The following SMOC2 variants were observed in gnomAD, a reference collection of about 807,000 sequenced individuals.
SMOC2 encodes the protein SPARC related modular calcium binding 2.
SMOC2 carries 39 observed loss-of-function variants against 61.4 expected under a neutral mutation model. The ratio of observed to expected loss-of-function variants is 0.64; its 90% CI spans 0.49 to 0.83. The LOEUF (loss-of-function observed/expected upper bound fraction) is 0.83, where lower values mean the gene tolerates loss of function less well. SMOC2 is among the 40% of genes least tolerant of loss of function. The probability of loss-of-function intolerance (pLI) is 0.00; values close to 1 mark genes in which losing one functional copy is unlikely to be tolerated. For missense variants in SMOC2, 556 were observed against 592.9 expected (o/e 0.94, Z 0.65); for synonymous variants, 247 against 239.9 (o/e 1.03, Z -0.27).
intron 2 of SMOC2, among the ~76,000 whole-genome samples, chr6:168,513,021 AAAATGTCCAT>A (rs771932766): frequency 1.1e-4 from 4 of 35,190 alleles, no homozygotes; most frequent in African/African-American, 2.6e-4. Context: ...ATCTTTCTAT[AAAATGTCCAT>A]AAAAGTAAAG....
intron 7 of SMOC2, among the ~76,000 whole-genome samples, chr6:168,552,948 A>G (rs866077393): frequency 1.3e-5 from 2 of 152,090 alleles, no homozygotes; most frequent in African/African-American, 4.8e-5. Flanking sequence ...ATTTGCACAT[A>G]GTAGCTACAC....
chr6:168,514,854 G>T (rs565455234), intron 2 of SMOC2, among the ~76,000 whole-genome samples: 1 of 152,224 alleles, frequency 6.6e-6, no homozygotes, highest in African/African-American at 2.4e-5. Flanking sequence ...AGCATGTGAG[G>T]GATTTCTTAG....
At chr6:168,564,372 A>G (rs1784496125) in intron 7 of SMOC2, among the ~76,000 whole-genome samples, 1 of 152,130 alleles carries the variant, frequency 6.6e-6, no homozygotes, top group African/African-American at 2.4e-5. Flanking sequence ...ACATGATTCT[A>G]GGGCACTGTC....
chr6:168,461,288 C>G (rs1294553301), intron 1 of SMOC2, among the ~76,000 whole-genome samples: 1 of 152,116 alleles, frequency 6.6e-6, no homozygotes, highest in Non-Finnish European at 1.5e-5. Flanking sequence ...CCCACCAGGT[C>G]CCTCCCACAA....
intron 2 of SMOC2, among the ~76,000 whole-genome samples, chr6:168,515,742 T>C (rs2248421): frequency 0.9 from 136,298 of 152,244 alleles, 61,939 homozygotes; most frequent in East Asian, 1. Context: ...TAGGGGCTCC[T>C]GGGGAGCAGG....
chr6:168,546,768 G>A (rs1167885261), intron 5 of SMOC2, among the ~76,000 whole-genome samples: 1 of 152,178 alleles, frequency 6.6e-6, no homozygotes, highest in African/African-American at 2.4e-5. Flanking sequence ...CTGAATTTAT[G>A]ACTTCTCTTT....
chr6:168,582,707 C>G (rs1360472538), intron 7 of SMOC2, among the ~76,000 whole-genome samples: 1 of 152,208 alleles, frequency 6.6e-6, no homozygotes. Flanking sequence ...GCAGGCTCCC[C>G]CCACCTGGGA....
chr6:168,560,623 CATTCTT>C (rs1784396458), intron 7 of SMOC2, among the ~76,000 whole-genome samples: 3 of 1,154 alleles, frequency 2.6e-3, no homozygotes, highest in Admixed American at 7.6e-3. Context: ...GCTCTCACTG[CATTCTT>C]GGAGGAGGTG....
At chr6:168,459,093 T>G (rs1781658104) in intron 1 of SMOC2, among the ~76,000 whole-genome samples, 1 of 152,166 alleles carries the variant, frequency 6.6e-6, no homozygotes, top group Non-Finnish European at 1.5e-5. Flanking sequence ...GTGGGTGCTC[T>G]CATTGTTCCC....
intron 7 of SMOC2, among the ~76,000 whole-genome samples, chr6:168,588,010 G>C (rs755853762): frequency 6.6e-6 from 1 of 150,968 alleles, no homozygotes; most frequent in Non-Finnish European, 1.5e-5. Flanking sequence ...ATTTGGTGTC[G>C]GGGTGAGGGG....
chr6:168,520,500 C>A (rs1375575836), intron 2 of SMOC2, among the ~76,000 whole-genome samples: 1 of 152,212 alleles, frequency 6.6e-6, no homozygotes, highest in Non-Finnish European at 1.5e-5. Context: ...CAAGCTGAGC[C>A]TGAACTTGAA....
In SMOC2 at chr6:168,592,271, A is replaced by G. The variant is rs371736856; in HGVS notation, c.638-6547A>G. ...TCATGCTTCCTAAGGCCTCACGGGC[A>G]TCTTTCTAGAGGATCGTGGAGCTCC... On this transcript the variant is annotated intron_variant, in intron 7 of 12. Coordinates refer to ENST00000356284, the MANE Select transcript of SMOC2 (RefSeq NM_001166412.2). Among the ~76,000 whole-genome samples, 16 of 150,830 alleles carry G rather than the reference A, an allele frequency of 1.1e-4. No individual in the cohort carries two copies. The South Asian group carries it at 2.9e-3, about 28-fold the overall frequency.
Position 168,527,734 on chromosome 6 carries a change from C to G in SMOC2, c.463+7C>G. 1 of 1,540,160 alleles carries G rather than the reference C, an allele frequency of 6.5e-7. No homozygotes were observed. The highest frequency in any genetic ancestry group is 8.8e-7 in the Non-Finnish European group (1 of 1,137,022). ...AAGACGCCCCGGTGCCCGGGTAGGT[C>G]TGACGTGCCTTTCCAAGTGGAAGGC... On this transcript the variant is annotated splice_region_variant and intron_variant, in intron 4 of 12. Coordinates refer to ENST00000356284, the MANE Select transcript of SMOC2 (RefSeq NM_001166412.2).
intron 9 of SMOC2, among the ~76,000 whole-genome samples, chr6:168,610,631 A>G (rs749158888): frequency 4.6e-5 from 7 of 152,220 alleles, no homozygotes; most frequent in Non-Finnish European, 7.3e-5. Context: ...TAAAGCTGAT[A>G]ATATTTTCAC....
intron 11 of SMOC2, among the ~76,000 whole-genome samples, chr6:168,656,931 C>T (rs147181546): frequency 4.5e-4 from 69 of 152,318 alleles, no homozygotes; most frequent in African/African-American, 1.6e-3. Flanking sequence ...GGAGGCTGCC[C>T]CCTGTGCTGG....
At chr6:168,499,500 A>G (rs572111112) in intron 1 of SMOC2, among the ~76,000 whole-genome samples, 1 of 152,318 alleles carries the variant, frequency 6.6e-6, no homozygotes, top group African/African-American at 2.4e-5. Flanking sequence ...TACATGAGCT[A>G]TGAAGTGTGC....
intron 1 of SMOC2, among the ~76,000 whole-genome samples, chr6:168,492,927 C>T (rs1044646631): frequency 2.0e-5 from 3 of 152,166 alleles, no homozygotes; most frequent in Non-Finnish European, 4.4e-5. Context: ...TGCATGACGT[C>T]GTAAGGCTGA....
At chr6:168,521,298 AC>A (rs1783323429) in intron 2 of SMOC2, among the ~76,000 whole-genome samples, 1 of 152,080 alleles carries the variant, frequency 6.6e-6, no homozygotes, top group African/African-American at 2.4e-5. Context: ...ACAGGTGCCC[AC>A]CACCAAACCT....
At chr6:168,520,450 C>T (rs1249485654) in intron 2 of SMOC2, among the ~76,000 whole-genome samples, 1 of 152,246 alleles carries the variant, frequency 6.6e-6, no homozygotes, top group Non-Finnish European at 1.5e-5. Context: ...CCAGCCCCGT[C>T]CCGGCCAGCC....
Sources: allele counts gnomAD v4.1 joint callset (sites outside exome capture counted in the v4.1 genomes callset), GRCh38; gene constraint gnomAD v4.1.1; transcripts MANE v1.5; gene names NCBI Gene and HGNC (gene_info 2026-07-23, HGNC 2026-07-21).